DPF2: variants seen among roughly 807,000 people sequenced by gnomAD.
DPF2 encodes double PHD fingers 2.
Under a neutral mutation model 59.6 loss-of-function variants are expected in DPF2, and 10 were observed. The observed-to-expected ratio is 0.17, with a 90% CI of 0.10 to 0.28. The LOEUF (loss-of-function observed/expected upper bound fraction) is 0.28. Ranked by LOEUF, DPF2 falls within the 10% of genes least tolerant of loss-of-function variation. The probability of loss-of-function intolerance (pLI) is 1.00; values close to 1 mark genes in which losing one functional copy is unlikely to be tolerated. For missense variants in DPF2, 315 were observed against 509.4 expected (o/e 0.62, Z 3.67); for synonymous variants, 189 against 190.6 (o/e 0.99, Z 0.07).
At chr11:65,335,208 A>G (rs940082675) in intron 1 of DPF2, among the ~76,000 whole-genome samples, 1 of 150,986 alleles carries the variant, frequency 6.6e-6, no homozygotes, top group African/African-American at 2.4e-5. Context: ...TCAGGCTGAC[A>G]TTTTTCTCAA....
chr11:65,333,989 G>A, intron 1 of DPF2, 71 bp downstream of exon 1: 1 of 1,585,362 alleles, frequency 6.3e-7, no homozygotes, highest in East Asian at 2.3e-5. Context: ...GGGCGGTGGG[G>A]GAAGGGACTA....
rs1270467353 is a variant in DPF2, at chr11:65,353,406, C to T, written c.*1647C>T. On this transcript the variant is annotated 3_prime_UTR_variant, in exon 11 of 11. Coordinates refer to ENST00000528416, the MANE Select transcript of DPF2 (RefSeq NM_006268.5). Reference sequence around the variant, plus strand: ...TATATAAATATAATTAATAAGCAAACTAATGACATCACCATGGGACACACA... The same window carrying T: ...TATATAAATATAATTAATAAGCAAATTAATGACATCACCATGGGACACACA... Among the ~76,000 whole-genome samples, 2 of 152,180 alleles carry T rather than the reference C, an allele frequency of 1.3e-5. No homozygotes were observed. Among genetic ancestry groups the T allele is most frequent in the Non-Finnish European group, 2.9e-5 (2 of 68,040 alleles).
chr11:65,346,511 G>T (rs1244922347), intron 9 of DPF2, 152 bp downstream of exon 9: 1 of 646,170 alleles, frequency 1.5e-6, no homozygotes, highest in Non-Finnish European at 2.6e-6. Context: ...TCAGAACTCT[G>T]ATTTGTTGCC....
At position 65,339,310 on chromosome 11, in the gene DPF2, T is replaced by C. The variant is rs144397948; in HGVS notation, c.33-1075T>C. 1.2e-3 allele frequency among the ~76,000 whole-genome samples: 178 copies of C among 152,212 alleles called. 1 individual carries two copies. The East Asian group carries it at 0.019, about 17-fold the overall frequency. On this transcript the variant is annotated intron_variant, in intron 1 of 10. Transcript: ENST00000528416. ...TTGTTAACCTCCATTACCAAAGTCC[T>C]TGTTAAACCCTGCAAGATGAGAACA... is the stretch of plus-strand genomic sequence containing the variant.
At chr11:65,340,789 G>A (rs1157928994) in intron 2 of DPF2, among the ~76,000 whole-genome samples, 177 bp from the exon 3 acceptor site, 1 of 152,086 alleles carries the variant, frequency 6.6e-6, no homozygotes, top group African/African-American at 2.4e-5. Context: ...AGGCCCTGAA[G>A]CTTATATATC....
chr11:65,343,066 G>A (rs1197237549), intron 4 of DPF2, among the ~76,000 whole-genome samples: 3 of 151,406 alleles, frequency 2.0e-5, no homozygotes, highest in Non-Finnish European at 4.4e-5. Flanking sequence ...TTGGGAGGCC[G>A]AGGCAGTTGG....
At chr11:65,349,291 C>A (rs1854625036) in intron 10 of DPF2, among the ~76,000 whole-genome samples, 1 of 152,170 alleles carries the variant, frequency 6.6e-6, no homozygotes, top group African/African-American at 2.4e-5. Flanking sequence ...TAGATTTGAG[C>A]ATTTATTTCC....
At position 65,337,474 on chromosome 11, in the gene DPF2, AATATATAT is replaced by A. The variant is rs1196397460; in HGVS notation, c.33-2887_33-2880del. ...TCTCAAAAAAAAAAAAAAAAAAAAA[AATATATAT>A]ATATATATATATATATATATATAGA... is the stretch of plus-strand genomic sequence containing the variant. On this transcript the variant is annotated intron_variant, in intron 1 of 10. Transcript: ENST00000528416. Among the ~76,000 whole-genome samples the A allele has an allele frequency of 9.7e-3, 450 of 46,372 alleles. 7 individuals are homozygous for A. The highest frequency in any genetic ancestry group is 0.023 in the East Asian group (28 of 1,220). The allele number at this position is 46,372 out of a possible 152,430, so 30.4% of individuals were successfully genotyped here. A position where few individuals can be genotyped will look rare whatever the true frequency, so the allele number is the denominator to read the frequency against.
In DPF2 at chr11:65,353,703, CT is replaced by C. The variant is rs1391616016; in HGVS notation, c.*1945del. On this transcript the variant is annotated 3_prime_UTR_variant, in exon 11 of 11. Coordinates refer to ENST00000528416, the MANE Select transcript of DPF2 (RefSeq NM_006268.5). Reference sequence around the variant, plus strand: ...TTTGAATCAAGCAGTTATGGGCCCCCTGAAGTATCCTTTTTTCTAGAACATT... The same window carrying C: ...TTTGAATCAAGCAGTTATGGGCCCCCGAAGTATCCTTTTTTCTAGAACATT... Among the ~76,000 whole-genome samples the C allele has an allele frequency of 6.6e-6, 1 of 152,216 alleles. No individual in the cohort carries two copies. The highest frequency in any genetic ancestry group is 1.5e-5 in the Non-Finnish European group (1 of 68,038).
chr11:65,348,906 C>G lies in DPF2; in HGVS notation c.1074C>G (p.Thr358=), dbSNP rs1213045403. 6.2e-7 allele frequency: 1 copy of G among 1,614,016 alleles called. No individual in the cohort carries two copies. The highest frequency in any genetic ancestry group is 8.5e-7 in the Non-Finnish European group (1 of 1,180,052). ...GTGGCTACCACATGTACTGTCTCAC[C>G]CCGTCCATGTCTGAGCCCCCTGAAG... ...CDRGYHMYCL[T]PSMSEPPEGS... is the part of the protein sequence containing the mutation. Residue 358 remains threonine, a synonymous_variant, in exon 10 of 11, where the codon ACC becomes ACG. Coordinates refer to ENST00000528416, the MANE Select transcript of DPF2 (RefSeq NM_006268.5).
intron 1 of DPF2, among the ~76,000 whole-genome samples, chr11:65,339,470 T>C (rs1854302009): frequency 6.6e-6 from 1 of 152,198 alleles, no homozygotes; most frequent in African/African-American, 2.4e-5. Flanking sequence ...GATTTTTTCC[T>C]ATATAATTTT....
At chr11:65,337,510 G>T (rs867133335) in intron 1 of DPF2, among the ~76,000 whole-genome samples, 209 of 93,984 alleles carry the variant, frequency 2.2e-3, no homozygotes, top group African/African-American at 4.6e-3. Context: ...TATATAGAGA[G>T]AGAGAGAGAG....
intron 8 of DPF2, 94 bp from the exon 9 acceptor site, chr11:65,346,153 T>A (rs975030996): frequency 6.3e-7 from 1 of 1,597,014 alleles, no homozygotes; most frequent in East Asian, 2.2e-5. Context: ...CCACCTCGCT[T>A]TTCCTAACCA....
At chr11:65,348,498 T>C (rs775563619) in intron 9 of DPF2, 3 of 200,258 alleles carry the variant, frequency 1.5e-5, no homozygotes, top group Non-Finnish European at 3.0e-5. Flanking sequence ...GGAGGATCAC[T>C]TGGGCCCAGG....
chr11:65,342,663 A>G (rs906209700), intron 4 of DPF2, among the ~76,000 whole-genome samples: 9 of 152,152 alleles, frequency 5.9e-5, no homozygotes, highest in Non-Finnish European at 1.2e-4. Flanking sequence ...GTACAACCTT[A>G]TGGGGTAGGT....
rs776722476 is a variant in DPF2, at chr11:65,341,494, G to A, written c.397G>A (p.Ala133Thr). The change falls in exon 4 of 11, where the codon GCC becomes ACC. Residue 133 changes from alanine (A) to threonine (T), a missense_variant. Ala to Thr is a moderately conservative substitution (Grantham distance 58). This residue lies in a region of DPF2 where 228 missense variants were observed against 275.3 expected (regional missense o/e 0.83). Transcript: ENST00000528416. ...LRTDPLEKRG[A>T]PDPRVDDDSL... ...CACTGACCCCCTGGAGAAGCGAGGT[G>A]CCCCGGATCCCCGAGTTGATGATGA... is the stretch of plus-strand genomic sequence containing the variant. 5 of 1,614,114 alleles carry A rather than the reference G, an allele frequency of 3.1e-6. No homozygotes were observed. The highest frequency in any genetic ancestry group is 4.2e-6 in the Non-Finnish European group (5 of 1,180,058).
In DPF2 at chr11:65,343,803, A is replaced by T. The variant is rs781167336; in HGVS notation, c.524A>T (p.Asp175Val). 1.3e-6 allele frequency: 2 copies of T among 1,593,608 alleles called. No individual in the cohort carries two copies. The highest frequency in any genetic ancestry group is 3.5e-5 in the Admixed American group (2 of 56,940). The change falls in exon 5 of 11, where the codon GAT becomes GTT. Residue 175 changes from aspartate (D) to valine (V), a missense_variant. This residue lies in a region of DPF2 where 228 missense variants were observed against 275.3 expected (regional missense o/e 0.83). Coordinates refer to ENST00000528416, the MANE Select transcript of DPF2 (RefSeq NM_006268.5). ...DDLDDEDYEEDTPKRRGKGKS... is the reference protein window; with the variant it reads ...DDLDDEDYEEVTPKRRGKGKS... ...CTCGATGATGAAGACTATGAAGAAG[A>T]TACTCCCAAGCGTCGGGGAAAGGGG...
Position 65,346,030 on chromosome 11 carries a change from G to A in DPF2, c.876G>A (p.Leu292=). 6.2e-7 allele frequency: 1 copy of A among 1,614,226 alleles called. No individual in the cohort carries two copies. The highest frequency in any genetic ancestry group is 8.5e-7 in the Non-Finnish European group (1 of 1,180,034). Residue 292 remains leucine (L), a synonymous_variant, in exon 8 of 11, where the codon CTG becomes CTA. Transcript: ENST00000528416. ...INKKTGQPEE[L]VSCSDCGRSG... is the part of the protein sequence containing the mutation. ...AGAAGACGGGACAACCCGAGGAGCT[G>A]GTGTCCTGTTCTGACTGTGGCCGCT...
intron 4 of DPF2, 50 bp downstream of exon 4, chr11:65,341,612 C>A (rs773318082): frequency 6.2e-7 from 1 of 1,605,410 alleles, no homozygotes; most frequent in Non-Finnish European, 8.5e-7. Context: ...AATCAGCCTC[C>A]TCTTCACTGG....
Sources: gnomAD v4.1 joint callset for allele counts (sites outside exome capture counted in the v4.1 genomes callset) on GRCh38, gnomAD v4.1.1 for gene constraint, gnomAD v4.1.1 regional missense constraint, MANE v1.5 for transcripts, NCBI Gene and HGNC (gene_info 2026-07-23, HGNC 2026-07-21) for gene names.